Variants in CCDC18 observed in about 807,000 individuals in gnomAD.
CCDC18 encodes the protein coiled-coil domain containing 18.
Under a neutral mutation model 196.0 loss-of-function variants are expected in CCDC18, and 157 were observed. The ratio of observed to expected loss-of-function variants is 0.80; its 90% confidence interval spans 0.70 to 0.91. CCDC18 has a LOEUF of 0.91. Ranked by LOEUF, CCDC18 falls within the 40% of genes least tolerant of loss-of-function variation. CCDC18 has a pLI of 0.00. For synonymous variants in CCDC18, 482 were observed against 529.2 expected, an observed-to-expected ratio of 0.91 and a Z score of 1.22; for missense variants, 1,465 against 1,611.6, an observed-to-expected ratio of 0.91 and a Z score of 1.56.
At chr1:93,228,323 A>T (rs1407167855) in intron 17 of CCDC18, among the ~76,000 whole-genome samples, 2 of 152,164 alleles carry the variant, frequency 1.3e-5, no homozygotes, top group Non-Finnish European at 2.9e-5. Flanking sequence ...CACTGCAGCT[A>T]CTGGCCATTC....
intron 4 of CCDC18, among the ~76,000 whole-genome samples, chr1:93,191,239 T>C (rs1238082209): frequency 1.3e-5 from 2 of 152,218 alleles, no homozygotes; most frequent in Admixed American, 1.3e-4. Context: ...TCATTCCTGC[T>C]CATTACTCTT....
chr1:93,216,581 T>C, intron 12 of CCDC18, 55 bp from the exon 13 acceptor site: 1 of 887,972 alleles, frequency 1.1e-6, no homozygotes, highest in East Asian at 2.8e-5. Flanking sequence ...GATCTTAGAA[T>C]GCAAAATCAT....
In CCDC18 at chr1:93,261,199, G is replaced by A. The variant is rs576905447; in HGVS notation, c.3684+2314G>A. Among the ~76,000 whole-genome samples, 99 of 152,106 alleles carry A rather than the reference G, an allele frequency of 6.5e-4. 1 individual carries two copies. Among genetic ancestry groups the A allele is most frequent in the African/African-American group, 2.3e-3 (96 of 41,492 alleles). On this transcript the variant is annotated intron_variant, in intron 26 of 28. Transcript: ENST00000690025. ...GATCAACAGTATTTTTTAATATATA[G>A]GTTTCCAAATTGTCAGAAAATCACT...
chr1:93,273,258 C>T (rs1016164758), intron 28 of CCDC18, among the ~76,000 whole-genome samples: 20 of 151,934 alleles, frequency 1.3e-4, no homozygotes, highest in African/African-American at 3.9e-4. Flanking sequence ...TTAGTAGAGA[C>T]GGGGTTTCAC....
intron 6 of CCDC18, among the ~76,000 whole-genome samples, chr1:93,198,541 A>G (rs1392379692): frequency 6.6e-6 from 1 of 152,234 alleles, no homozygotes; most frequent in Admixed American, 6.5e-5. Context: ...GTAAGTATAC[A>G]CATTATTATA....
At chr1:93,181,598 C>G (rs1330502724) in intron 1 of CCDC18, among the ~76,000 whole-genome samples, 1 of 152,080 alleles carries the variant, frequency 6.6e-6, no homozygotes, top group Non-Finnish European at 1.5e-5. Context: ...TTCATTGCTA[C>G]TGCAGAAGAG....
chr1:93,180,360 G>A (rs1437925479), upstream of CCDC18: 18 of 1,339,896 alleles, frequency 1.3e-5, no homozygotes, highest in East Asian at 4.3e-4. Flanking sequence ...GAAACTCCAG[G>A]TGGCGGCCGC....
intron 18 of CCDC18, among the ~76,000 whole-genome samples, chr1:93,235,553 T>G (rs1659964421): frequency 6.6e-6 from 1 of 152,114 alleles, no homozygotes; most frequent in Non-Finnish European, 1.5e-5. Context: ...TAGAAAACTT[T>G]GAGAAGTTGG....
At chr1:93,186,907 G>A (rs889877985) in intron 4 of CCDC18, among the ~76,000 whole-genome samples, 1 of 151,934 alleles carries the variant, frequency 6.6e-6, no homozygotes, top group Non-Finnish European at 1.5e-5. Context: ...AGTTTAATAC[G>A]TAGTTGAATC....
chr1:93,195,112 C>A (rs1038022853), intron 6 of CCDC18, among the ~76,000 whole-genome samples: 5 of 152,136 alleles, frequency 3.3e-5, no homozygotes, highest in Admixed American at 2.6e-4. Flanking sequence ...CTCAAGTGAT[C>A]CACCCTCCTT....
chr1:93,260,222 A>T lies in CCDC18; in HGVS notation c.3684+1337A>T, dbSNP rs1332688596. On this transcript the variant is annotated intron_variant, in intron 26 of 28. Transcript: ENST00000690025. ...AACATGGCAAAACCCCGTCTCTACT[A>T]AAAATACAAAAATTAGCTGGGTGTG... Among the ~76,000 whole-genome samples the T allele has an allele frequency of 3.3e-5, 5 of 152,230 alleles. No individual in the cohort carries two copies. In the East Asian group the frequency reaches 5.8e-4, roughly 18 times the overall value.
Position 93,217,453 on chromosome 1 carries a change from CT to C in CCDC18, c.1831-276del, listed in dbSNP as rs199948956. On this transcript the variant is annotated intron_variant, in intron 13 of 28. Transcript: ENST00000690025. Reference sequence around the variant, plus strand: ...TATGTAAAACTGCTTTTCAATTATACTTTTTTTTTGAGACAAAGTCTCACTC... The same window carrying C: ...TATGTAAAACTGCTTTTCAATTATACTTTTTTTTGAGACAAAGTCTCACTC... Among the ~76,000 whole-genome samples, 278 of 151,392 alleles carry C rather than the reference CT, an allele frequency of 1.8e-3. 4 individuals carry two copies. In the East Asian group the frequency reaches 0.029, roughly 16 times the overall value.
At chr1:93,179,956 C>A, upstream of CCDC18, 3 of 1,343,974 alleles carry the variant, frequency 2.2e-6, no homozygotes, top group Non-Finnish European at 3.0e-6. Context: ...GCCTCTTCAC[C>A]ACCAGGGCCG....
At chr1:93,265,734 G>C (rs1373681033) in intron 27 of CCDC18, among the ~76,000 whole-genome samples, 2 of 152,176 alleles carry the variant, frequency 1.3e-5, no homozygotes, top group African/African-American at 4.8e-5. Context: ...AATTCAACAA[G>C]AAGAGCTAAC....
At chr1:93,258,487 T>G (rs577413636) in intron 25 of CCDC18, among the ~76,000 whole-genome samples, 2 of 152,302 alleles carry the variant, frequency 1.3e-5, no homozygotes, top group African/African-American at 4.8e-5. Flanking sequence ...CCTGAGGTTA[T>G]TATTAATAGT....
chr1:93,180,601 T>C (rs755237575), upstream of CCDC18: 4 of 1,364,270 alleles, frequency 2.9e-6, no homozygotes, highest in South Asian at 4.7e-5. Context: ...GCTCCGCTAG[T>C]GGGCTCGGGC....
intron 18 of CCDC18, among the ~76,000 whole-genome samples, chr1:93,234,376 G>A (rs941572610): frequency 6.6e-6 from 1 of 151,800 alleles, no homozygotes; most frequent in Non-Finnish European, 1.5e-5. Flanking sequence ...TGGCCAGGAT[G>A]GTCTTGATCT....
Position 93,278,240 on chromosome 1 carries a change from G to A in CCDC18, c.4354-223G>A, listed in dbSNP as rs1241692870. Among the ~76,000 whole-genome samples the A allele has an allele frequency of 3.3e-5, 5 of 152,052 alleles. 1 individual carries two copies. Among genetic ancestry groups the A allele is most frequent in the Non-Finnish European group, 7.4e-5 (5 of 68,012 alleles). On this transcript the variant is annotated intron_variant, in intron 28 of 28. Transcript: ENST00000690025. ...TGACCTCAGGTGATCCATGCACCTC[G>A]GCCTCCCAAAATGCTGGGATTACAG...
chr1:93,231,983 C>T (rs1279120285), intron 17 of CCDC18, among the ~76,000 whole-genome samples: 1 of 152,180 alleles, frequency 6.6e-6, no homozygotes, highest in African/African-American at 2.4e-5. Flanking sequence ...TCAGACAGAA[C>T]ATGCTCCTTT....
Sources: allele counts gnomAD v4.1 joint callset (sites outside exome capture counted in the v4.1 genomes callset), GRCh38; gene constraint gnomAD v4.1.1; transcripts MANE v1.5; gene names NCBI Gene and HGNC (gene_info 2026-07-23, HGNC 2026-07-21).